RUBCN: variants seen among roughly 807,000 people sequenced by gnomAD.
The protein encoded by RUBCN is run domain Beclin-1-interacting and cysteine-rich domain-containing protein.
A neutral mutation model predicts 113.2 loss-of-function variants in RUBCN; 74 were observed. That is an observed-to-expected ratio of 0.65 (90% CI 0.54 to 0.79). RUBCN has a LOEUF of 0.79. Ranked by LOEUF, RUBCN falls within the 30% of genes least tolerant of loss-of-function variation. The pLI is 0.00. For synonymous variants in RUBCN, 480 were observed against 490.0 expected (o/e 0.98, Z 0.27); for missense variants, 1,109 against 1,251.7 (o/e 0.89, Z 1.72).
intron 1 of RUBCN, among the ~76,000 whole-genome samples, chr3:197,722,459 T>C (rs1197440546): frequency 2.0e-5 from 3 of 151,972 alleles, no homozygotes; most frequent in African/African-American, 7.2e-5. Context: ...CTGCTGTTTC[T>C]TTGTTGATTT....
intron 1 of RUBCN, among the ~76,000 whole-genome samples, chr3:197,735,679 C>T (rs1166600248): frequency 6.6e-6 from 1 of 152,120 alleles, no homozygotes; most frequent in Non-Finnish European, 1.5e-5. Context: ...GCAGCCTCGA[C>T]TTATTGGACT....
chr3:197,702,656 A>G (rs950933734), intron 5 of RUBCN, among the ~76,000 whole-genome samples: 6 of 152,130 alleles, frequency 3.9e-5, no homozygotes, highest in Non-Finnish European at 5.9e-5. Flanking sequence ...CAACAAAGTA[A>G]AGACTCTGTC....
chr3:197,693,030 G>C (rs773571385), intron 11 of RUBCN, among the ~76,000 whole-genome samples: 9 of 152,238 alleles, frequency 5.9e-5, no homozygotes, highest in Admixed American at 1.3e-4. Flanking sequence ...TGAAGGAAGA[G>C]CGTTTGTCCC....
At chr3:197,684,287 C>A (rs1721593350) in intron 11 of RUBCN, 70 bp from the exon 12 acceptor site, 2 of 1,166,238 alleles carry the variant, frequency 1.7e-6, no homozygotes, top group Admixed American at 3.4e-5. Context: ...GAATCTATTA[C>A]AAGGTGCTCC....
intron 1 of RUBCN, among the ~76,000 whole-genome samples, chr3:197,736,404 C>T (rs1728124523): frequency 6.6e-6 from 1 of 152,102 alleles, no homozygotes; most frequent in South Asian, 2.1e-4. Flanking sequence ...TGGATCTGAG[C>T]TTCACCCTCC....
rs544328159 is a variant in RUBCN at position 197,711,329 on chromosome 3, GATGGTAC to G, written c.220-6161_220-6155del. On this transcript the variant is annotated intron_variant, in intron 2 of 19. Coordinates refer to ENST00000296343, the MANE Select transcript of RUBCN (RefSeq NM_014687.4). The stretch of plus-strand genomic sequence containing the variant: ...TCACCAGGGGACTGGCTAAATAAGT[GATGGTAC>G]ATACGTACAATGGAATATTATAAAA... Among the ~76,000 whole-genome samples, 460 of 152,286 alleles carry G rather than the reference GATGGTAC, an allele frequency of 3.0e-3. 1 individual carries two copies. Among genetic ancestry groups the G allele is most frequent in the African/African-American group, 0.01 (434 of 41,570 alleles).
chr3:197,691,118 ATG>A lies in RUBCN; in HGVS notation c.1786+2595_1786+2596del, dbSNP rs1045144674. ...TGACACTGACAGTCCGTTCTTTGATATGTGAGTCAGGTTAGATCCTTCGCTAC... is the reference window on the plus strand; with the variant it reads ...TGACACTGACAGTCCGTTCTTTGATATGAGTCAGGTTAGATCCTTCGCTAC... On this transcript the variant is annotated intron_variant, in intron 11 of 19. Coordinates refer to ENST00000296343, the MANE Select transcript of RUBCN (RefSeq NM_014687.4). 2 of 1,289,376 alleles carry A rather than the reference ATG, an allele frequency of 1.6e-6. No individual in the cohort carries two copies. Among genetic ancestry groups the A allele is most frequent in the Middle Eastern group, 2.1e-4 (1 of 4,716 alleles). 79.9% of individuals were successfully genotyped at this position (1,289,376 alleles called of 1,614,324 possible).
chr3:197,679,451 C>T (rs1328361977), intron 16 of RUBCN, among the ~76,000 whole-genome samples: 1 of 148,076 alleles, frequency 6.8e-6, no homozygotes, highest in Non-Finnish European at 1.5e-5. Context: ...CTGTCCTACG[C>T]TCTGACAACT....
intron 1 of RUBCN, among the ~76,000 whole-genome samples, chr3:197,733,204 GGC>G (rs1727720515): frequency 3.3e-5 from 5 of 152,260 alleles, no homozygotes; most frequent in African/African-American, 1.2e-4. Flanking sequence ...TGGGCACAGT[GGC>G]TCATGCTTGT....
chr3:197,736,842 C>T lies in RUBCN; in HGVS notation c.-123G>A. 2.9e-6 allele frequency: 4 copies of T among 1,393,720 alleles called. No homozygotes were observed. The South Asian group carries it at 6.4e-5, about 22-fold the overall frequency. The allele number at this position is 1,393,720 out of a possible 1,614,324, so 86.3% of individuals were successfully genotyped here. Reference sequence around the variant, plus strand: ...CGGCCGGTGGGCTCCGGGTGATGCGCTACACCCGGGCGGCGACAGCGGGAG... The same window carrying T: ...CGGCCGGTGGGCTCCGGGTGATGCGTTACACCCGGGCGGCGACAGCGGGAG... On this transcript the variant is annotated 5_prime_UTR_variant, in exon 1 of 20. Coordinates refer to ENST00000296343, the MANE Select transcript of RUBCN (RefSeq NM_014687.4).
At chr3:197,691,297 T>C (rs1188320854) in intron 11 of RUBCN, 3 of 421,280 alleles carry the variant, frequency 7.1e-6, no homozygotes, top group Non-Finnish European at 1.4e-5. Flanking sequence ...GGGTAGGTGC[T>C]CACTCTAGCT....
chr3:197,701,093 T>A lies in RUBCN; in HGVS notation c.781A>T (p.Ser261Cys). 6.3e-7 allele frequency: 1 copy of A among 1,591,806 alleles called. No homozygotes were observed. The highest frequency in any genetic ancestry group is 8.6e-7 in the Non-Finnish European group (1 of 1,166,542). ...TCTGCTGGTGAGACGTGCCCTCTGCTTTCTTGAGGTTTCCGGGGAGGGCCA... is the reference window on the plus strand; with the variant it reads ...TCTGCTGGTGAGACGTGCCCTCTGCATTCTTGAGGTTTCCGGGGAGGGCCA... ...LSGPPRKPQE[S>C]RGHVSPAEDQ... The change falls in exon 7 of 20, where the codon AGC becomes TGC. Residue 261 changes from serine (S) to cysteine (C), a missense_variant. Ser to Cys is a moderately radical substitution (Grantham distance 112). This residue lies in a region of RUBCN where 736 missense variants were observed against 779.6 expected (regional missense o/e 0.94). Coordinates refer to ENST00000296343, the MANE Select transcript of RUBCN (RefSeq NM_014687.4).
At position 197,677,527 on chromosome 3, in the gene RUBCN, C is replaced by T. The variant is rs1342191469; in HGVS notation, c.2445G>A (p.Gln815=). 1.2e-6 allele frequency: 2 copies of T among 1,614,122 alleles called. No homozygotes were observed. Among genetic ancestry groups the T allele is most frequent in the Admixed American group, 3.3e-5 (2 of 60,032 alleles). ...TGAACATGTTCTTCATGTGACACAG[C>T]TGGACCCGCAGCAGCTGAAAAGAAA... ...LLNQVRLLRV[Q]LCHMKNMFKT... is the part of the protein sequence containing the mutation. Residue 815 remains glutamine (Q), a synonymous_variant, in exon 17 of 20, where the codon CAG becomes CAA. Coordinates refer to ENST00000296343, the MANE Select transcript of RUBCN (RefSeq NM_014687.4).
intron 1 of RUBCN, 37 bp downstream of exon 1, chr3:197,736,618 T>C (rs1369360944): frequency 6.5e-7 from 1 of 1,529,904 alleles, no homozygotes; most frequent in Non-Finnish European, 8.7e-7. Flanking sequence ...CTCCGGCGCC[T>C]GTCGCTGCCC....
intron 13 of RUBCN, 33 bp from the exon 14 acceptor site, chr3:197,682,648 G>A (rs201619054): frequency 1.2e-5 from 19 of 1,601,444 alleles, no homozygotes; most frequent in South Asian, 5.6e-5. Context: ...GGGTAAGCTC[G>A]TGTCAGTGTG....
At chr3:197,707,963 C>CAA (rs368244493) in intron 2 of RUBCN, among the ~76,000 whole-genome samples, 16 of 134,264 alleles carry the variant, frequency 1.2e-4, no homozygotes, top group African/African-American at 2.7e-4. Flanking sequence ...TACTCTGTCT[C>CAA]AAAAAAAAAA....
chr3:197,737,002 G>A, upstream of RUBCN: 1 of 1,158,860 alleles, frequency 8.6e-7, no homozygotes, highest in Non-Finnish European at 1.1e-6. Flanking sequence ...CGCGCTCGCA[G>A]ACCGCGCCCC....
chr3:197,684,107 A>G (rs1264565897), intron 12 of RUBCN, 50 bp downstream of exon 12: 1 of 1,417,390 alleles, frequency 7.1e-7, no homozygotes, highest in Non-Finnish European at 1.0e-6. Context: ...TTGTTTCTCT[A>G]CATATCCTAA....
At chr3:197,688,476 T>C (rs535208379) in intron 11 of RUBCN, among the ~76,000 whole-genome samples, 77 of 152,336 alleles carry the variant, frequency 5.1e-4, no homozygotes, top group Admixed American at 1.4e-3. Context: ...TCCCACATTA[T>C]AGTAGAAATA....
Sources: allele counts gnomAD v4.1 joint callset (sites outside exome capture counted in the v4.1 genomes callset), GRCh38; gene constraint gnomAD v4.1.1; regional missense constraint gnomAD v4.1.1; transcripts MANE v1.5; gene names NCBI Gene and HGNC (gene_info 2026-07-23, HGNC 2026-07-21).